The following ENPP1 variants were observed in gnomAD, a reference collection of about 807,000 sequenced individuals.
ENPP1 encodes ectonucleotide pyrophosphatase/phosphodiesterase 1.
ENPP1 carries 73 observed loss-of-function variants against 122.8 expected under a neutral mutation model. That is an observed-to-expected ratio of 0.59 (90% CI 0.49 to 0.72). The LOEUF is 0.72. ENPP1 is among the 30% of genes least tolerant of loss of function. The probability of loss-of-function intolerance (pLI) is 0.00; values close to 1 mark genes in which losing one functional copy is unlikely to be tolerated. For missense variants in ENPP1, 978 were observed against 1,128.1 expected (o/e 0.87, Z 1.91); for synonymous variants, 367 against 391.6 (o/e 0.94, Z 0.74).
chr6:131,817,236 A>G (rs1436302276), intron 1 of ENPP1, among the ~76,000 whole-genome samples: 1 of 152,234 alleles, frequency 6.6e-6, no homozygotes, highest in Non-Finnish European at 1.5e-5. Flanking sequence ...TCATTTGCTA[A>G]ATGTTATATC....
chr6:131,886,693 C>A lies in ENPP1; in HGVS notation c.2576C>A (p.Pro859His). Residue 859 changes from proline (P) to histidine (H), a missense_variant, in exon 24 of 25, where the codon CCT becomes CAT. Physicochemically the swap from Pro to His is moderately conservative, Grantham distance 77 (BLOSUM62 -2). Coordinates refer to ENST00000647893, the MANE Select transcript of ENPP1 (RefSeq NM_006208.3). ...CTAGACACCTTAGCTTTCATTTTGC[C>A]TCACAGGACTGATAACAGCGAGAGC... The part of the protein sequence containing the change: ...ENLDTLAFIL[P>H]HRTDNSESCV... The A allele has an allele frequency of 1.9e-6, 3 of 1,613,930 alleles. No individual in the cohort carries two copies. Among genetic ancestry groups the A allele is most frequent in the South Asian group, 1.1e-5 (1 of 91,022 alleles).
intron 23 of ENPP1, among the ~76,000 whole-genome samples, chr6:131,885,624 C>A (rs1782368096): frequency 6.6e-6 from 1 of 152,068 alleles, no homozygotes; most frequent in Non-Finnish European, 1.5e-5. Flanking sequence ...TTTATTGAAA[C>A]AATAATTACA....
chr6:131,825,328 G>A (rs538636526), intron 1 of ENPP1, among the ~76,000 whole-genome samples: 1 of 152,092 alleles, frequency 6.6e-6, no homozygotes, highest in South Asian at 2.1e-4. Flanking sequence ...TGACCACTTC[G>A]TAACTTTTTT....
intron 1 of ENPP1, among the ~76,000 whole-genome samples, chr6:131,821,981 A>G (rs1043059212): frequency 6.6e-6 from 1 of 152,200 alleles, no homozygotes; most frequent in Non-Finnish European, 1.5e-5. Flanking sequence ...CATTTCGATT[A>G]TAATCTCTGG....
chr6:131,838,392 A>T (rs970468959), intron 1 of ENPP1, among the ~76,000 whole-genome samples: 2 of 152,204 alleles, frequency 1.3e-5, no homozygotes, highest in Admixed American at 6.5e-5. Flanking sequence ...GCTATCAGGA[A>T]GAATCTAAAA....
rs1782489716 is a variant in ENPP1 at position 131,892,885 on chromosome 6, G to A, written c.*2374G>A. 2.6e-5 allele frequency: 4 copies of A among 152,110 alleles called. No homozygotes were observed. Among genetic ancestry groups the A allele is most frequent in the African/African-American group, 9.7e-5 (4 of 41,408 alleles). The allele number at this position is 152,110 out of a possible 1,614,324, so 9.4% of individuals were successfully genotyped here. On this transcript the variant is annotated 3_prime_UTR_variant, in exon 25 of 25. Coordinates refer to ENST00000647893, the MANE Select transcript of ENPP1 (RefSeq NM_006208.3). ...TTTTCTGGTCCTTTGGCAGGAGAGA[G>A]CAGGACTCTCTTAGGGCTTTTTTTT...
intron 19 of ENPP1, 116 bp from the exon 20 acceptor site, chr6:131,879,764 G>C (rs1782277142): frequency 1.0e-6 from 1 of 962,322 alleles, no homozygotes; most frequent in East Asian, 2.6e-5. Flanking sequence ...TTTTTTAATA[G>C]TTAAAAGTAA....
chr6:131,864,447 A>G, intron 9 of ENPP1, 59 bp from the exon 10 acceptor site: 7 of 1,133,676 alleles, frequency 6.2e-6, no homozygotes, highest in South Asian at 1.3e-5. Context: ...GAAAAAAACT[A>G]TATTTTACAC....
intron 1 of ENPP1, among the ~76,000 whole-genome samples, chr6:131,821,130 A>G (rs1000738038): frequency 7.9e-5 from 12 of 152,182 alleles, no homozygotes; most frequent in Admixed American, 5.9e-4. Flanking sequence ...TCCTCTTAGA[A>G]TTTGTAAGAA....
At chr6:131,888,803 A>C (rs886132842) in intron 24 of ENPP1, among the ~76,000 whole-genome samples, 3 of 152,062 alleles carry the variant, frequency 2.0e-5, no homozygotes, top group Non-Finnish European at 4.4e-5. Context: ...ATTTCGTTTG[A>C]GAGATTATAT....
At chr6:131,877,333 C>T in intron 18 of ENPP1, 172 bp downstream of exon 18, 2 of 698,318 alleles carry the variant, frequency 2.9e-6, no homozygotes, top group South Asian at 3.4e-5. Context: ...TATCTTTTCT[C>T]TTTCTAGTTT....
At chr6:131,817,820 A>G (rs1031581289) in intron 1 of ENPP1, among the ~76,000 whole-genome samples, 3 of 151,722 alleles carry the variant, frequency 2.0e-5, no homozygotes, top group East Asian at 1.9e-4. Flanking sequence ...TTTTATATAT[A>G]TGTATAATAT....
chr6:131,877,132 G>A lies in ENPP1; in HGVS notation c.1864G>A (p.Asp622Asn), dbSNP rs771798267. The change falls in exon 18 of 25, where the codon GAT (aspartate) becomes AAT (asparagine). Residue 622 changes from aspartate (D) to asparagine (N), a missense_variant. By Grantham distance (23) the Asp-to-Asn change is conservative. Coordinates refer to ENST00000647893, the MANE Select transcript of ENPP1 (RefSeq NM_006208.3). ...GTGCCCCTTCACAAGAAACCCCAGA[G>A]ATAACCTTGGCTGCTCATGTAACCC... Reference protein sequence around the residue: ...VQCPFTRNPRDNLGCSCNPSI... With the variant: ...VQCPFTRNPRNNLGCSCNPSI... 1.2e-6 allele frequency: 2 copies of A among 1,613,938 alleles called. No individual in the cohort carries two copies. The highest frequency in any genetic ancestry group is 1.1e-5 in the South Asian group (1 of 91,072).
chr6:131,890,257 A>G, intron 24 of ENPP1, 84 bp from the exon 25 acceptor site: 2 of 1,098,940 alleles, frequency 1.8e-6, no homozygotes, highest in Non-Finnish European at 2.8e-6. Flanking sequence ...CTCGTAAATG[A>G]TTAAACTGGG....
chr6:131,858,802 C>A, intron 7 of ENPP1, 55 bp downstream of exon 7: 1 of 1,242,942 alleles, frequency 8.0e-7, no homozygotes, highest in South Asian at 1.2e-5. Flanking sequence ...GGGATTGTAA[C>A]ATTTTTTGAG....
chr6:131,825,059 CA>C (rs371592579), intron 1 of ENPP1, among the ~76,000 whole-genome samples: 5 of 142,986 alleles, frequency 3.5e-5, no homozygotes, highest in African/African-American at 2.6e-5. Flanking sequence ...GACTGTGTCT[CA>C]AAAAAAAAAC....
chr6:131,882,580 T>C lies in ENPP1; in HGVS notation c.2230+106T>C, dbSNP rs185747608. ...GGTAATATATATATTACCTATTATA[T>C]ATATATAAATATTACCTATTTTATA... On this transcript the variant is annotated intron_variant, in intron 21 of 24. Transcript: ENST00000647893. 751 of 242,350 alleles carry C rather than the reference T, an allele frequency of 3.1e-3. 3 individuals are homozygous for C. The highest frequency in any genetic ancestry group is 4.6e-3 in the Middle Eastern group (3 of 652). The allele number at this position is 242,350 out of a possible 1,614,324, so 15.0% of individuals were successfully genotyped here.
At chr6:131,883,962 T>C (rs1314484727) in intron 22 of ENPP1, among the ~76,000 whole-genome samples, 188 bp downstream of exon 22, 1 of 152,192 alleles carries the variant, frequency 6.6e-6, no homozygotes, top group African/African-American at 2.4e-5. Flanking sequence ...TGTATTCTAA[T>C]TGTATAATTG....
rs77563741 is a variant in ENPP1, at chr6:131,869,167, G to A, written c.1274-191G>A. Among the ~76,000 whole-genome samples, 1,889 of 152,184 alleles carry A rather than the reference G, an allele frequency of 0.012. 43 individuals carry two copies. The highest frequency in any genetic ancestry group is 0.043 in the African/African-American group (1,801 of 41,520). On this transcript the variant is annotated intron_variant, in intron 12 of 24. Coordinates refer to ENST00000647893, the MANE Select transcript of ENPP1 (RefSeq NM_006208.3). ...AAACATTAACCAAAATTTGGGTGACGGAAAAGATTTTGAAAAAAGTGAAGT... is the reference window on the plus strand; with the variant it reads ...AAACATTAACCAAAATTTGGGTGACAGAAAAGATTTTGAAAAAAGTGAAGT...
Sources: gnomAD v4.1 joint callset for allele counts (sites outside exome capture counted in the v4.1 genomes callset) on GRCh38, gnomAD v4.1.1 for gene constraint, MANE v1.5 for transcripts, NCBI Gene and HGNC (gene_info 2026-07-23, HGNC 2026-07-21) for gene names.